Variants in PRR5 observed in about 807,000 individuals in gnomAD.
PRR5 encodes proline-rich protein 5.
In PRR5, 25 loss-of-function variants were observed where a neutral mutation model predicts 30.6. The observed-to-expected ratio is 0.82, with a 90% CI of 0.60 to 1.14. The LOEUF is 1.14. Ranked by LOEUF, PRR5 falls within the 50% of genes most tolerant of loss-of-function variation. PRR5 has a pLI of 0.00. For synonymous variants in PRR5, 286 were observed against 247.1 expected (o/e 1.16, Z -1.48); for missense variants, 600 against 547.1 (o/e 1.10, Z -0.96).
At chr22:44,729,235 C>T (rs1602081849) in intron 4 of PRR5, 6 of 879,206 alleles carry the variant, frequency 6.8e-6, no homozygotes, top group South Asian at 1.0e-4. Flanking sequence ...CCACCCAGCG[C>T]GTGGCTTTTG....
chr22:44,727,332 G>A (rs530293336), intron 4 of PRR5, among the ~76,000 whole-genome samples: 169 of 152,304 alleles, frequency 1.1e-3, no homozygotes, highest in Non-Finnish European at 2.2e-3. Context: ...GCTGCCCTGG[G>A]AGCGGGGTCA....
chr22:44,669,237 C>G (rs1923282423), intron 1 of PRR5, among the ~76,000 whole-genome samples: 1 of 152,126 alleles, frequency 6.6e-6, no homozygotes, highest in African/African-American at 2.4e-5. Context: ...CAGCTCTCCC[C>G]TCCCTCGCCA....
upstream of PRR5, among the ~76,000 whole-genome samples, chr22:44,673,499 G>C (rs1280572652): frequency 6.6e-6 from 1 of 152,214 alleles, no homozygotes; most frequent in African/African-American, 2.4e-5. Context: ...TACAGACCAG[G>C]AGGGTAGGAT....
In PRR5 at chr22:44,737,058, C is replaced by G. The variant is rs762338085; in HGVS notation, c.978C>G (p.Thr326=). 1.2e-6 allele frequency: 2 copies of G among 1,609,020 alleles called. No individual in the cohort carries two copies. The highest frequency in any genetic ancestry group is 1.3e-5 in the African/African-American group (1 of 74,910). Residue 326 remains threonine, a synonymous_variant, in exon 8 of 8, where the codon ACC becomes ACG. Coordinates refer to ENST00000336985, the MANE Select transcript of PRR5 (RefSeq NM_181333.4). ...GCCCCAGCAGACTGTACCCCACGACCCAGCCCCCTGAGCAGGGCTTGGATC... is the reference window on the plus strand; with the variant it reads ...GCCCCAGCAGACTGTACCCCACGACGCAGCCCCCTGAGCAGGGCTTGGATC... The part of the protein sequence containing the change: ...GPCPSRLYPT[T]QPPEQGLDPT...
intron 2 of PRR5, among the ~76,000 whole-genome samples, chr22:44,719,039 G>C (rs1017669292): frequency 6.6e-6 from 1 of 150,664 alleles, no homozygotes; most frequent in African/African-American, 2.4e-5. Context: ...CCCGTCCTTT[G>C]ATCACCTTTC....
upstream of PRR5, among the ~76,000 whole-genome samples, chr22:44,700,468 G>A (rs562903445): frequency 4.0e-4 from 60 of 151,832 alleles, no homozygotes; most frequent in Non-Finnish European, 7.5e-4. Flanking sequence ...CATCACACAC[G>A]CAAAAAATCA....
intron 2 of PRR5, among the ~76,000 whole-genome samples, chr22:44,724,565 C>G (rs1347803947): frequency 6.6e-6 from 1 of 152,198 alleles, no homozygotes; most frequent in African/African-American, 2.4e-5. Flanking sequence ...TGTGTACTTT[C>G]AGCCTGGCTG....
intron 1 of PRR5, among the ~76,000 whole-genome samples, chr22:44,686,206 G>T (rs34234064): frequency 0.52 from 78,227 of 151,546 alleles, 20,576 homozygotes; most frequent in East Asian, 0.73. Flanking sequence ...AGCTGAGATC[G>T]CACCACTGCA....
chr22:44,670,198 G>C (rs77930953), intron 1 of PRR5, among the ~76,000 whole-genome samples: 1 of 152,150 alleles, frequency 6.6e-6, no homozygotes, highest in African/African-American at 2.4e-5. Context: ...CCATCCTGGC[G>C]TCTACAACTT....
At chr22:44,727,066 AC>A (rs140055013) in intron 4 of PRR5, among the ~76,000 whole-genome samples, 201 of 152,036 alleles carry the variant, frequency 1.3e-3, no homozygotes, top group Non-Finnish European at 2.4e-3. Flanking sequence ...GTCGAGGCTC[AC>A]AGCCACCCAC....
intron 1 of PRR5, among the ~76,000 whole-genome samples, chr22:44,694,228 A>G (rs1223897255): frequency 6.6e-6 from 1 of 151,944 alleles, no homozygotes; most frequent in East Asian, 2.0e-4. Flanking sequence ...CTCTACTCAT[A>G]ATGTTGGTTA....
chr22:44,732,205 ACG>A, intron 5 of PRR5, 44 bp from the exon 6 acceptor site: 1 of 1,601,508 alleles, frequency 6.2e-7, no homozygotes, highest in Non-Finnish European at 8.5e-7. Context: ...GGAGATGAGG[ACG>A]CATGTGACCA....
intron 2 of PRR5, among the ~76,000 whole-genome samples, chr22:44,723,198 G>T: frequency 6.6e-6 from 1 of 151,802 alleles, no homozygotes; most frequent in East Asian, 2.0e-4. Flanking sequence ...TGGCCAGGCT[G>T]GTTTCGAACT....
At chr22:44,705,265 A>G (rs1238985209) in intron 1 of PRR5, among the ~76,000 whole-genome samples, 1 of 151,944 alleles carries the variant, frequency 6.6e-6, no homozygotes, top group African/African-American at 2.4e-5. Flanking sequence ...CATCACTCCA[A>G]TATGTACCTC....
At chr22:44,715,238 G>T (rs1392124685) in intron 2 of PRR5, among the ~76,000 whole-genome samples, 3 of 152,176 alleles carry the variant, frequency 2.0e-5, no homozygotes, top group Non-Finnish European at 4.4e-5. Context: ...TGTAGTGGAG[G>T]AGGCCAAAGC....
At chr22:44,698,611 G>T (rs1055303833), upstream of PRR5, among the ~76,000 whole-genome samples, 1 of 152,186 alleles carries the variant, frequency 6.6e-6, no homozygotes, top group Non-Finnish European at 1.5e-5. Context: ...GGGCCCGGTG[G>T]GCACCTGGAG....
chr22:44,674,906 A>G (rs1402263418), upstream of PRR5, among the ~76,000 whole-genome samples: 1 of 150,998 alleles, frequency 6.6e-6, no homozygotes, highest in African/African-American at 2.4e-5. Flanking sequence ...AGATCTCGCC[A>G]CTGCACTCCA....
chr22:44,708,733 A>G (rs1042448646), intron 1 of PRR5, among the ~76,000 whole-genome samples: 2 of 152,116 alleles, frequency 1.3e-5, no homozygotes, highest in Admixed American at 1.3e-4. Context: ...TTGGGAGGCC[A>G]ATCCAGGTGG....
In PRR5 at chr22:44,735,973, G is replaced by A. The variant is rs529249585; in HGVS notation, c.692-799G>A. 4.0e-4 allele frequency among the ~76,000 whole-genome samples: 61 copies of A among 152,296 alleles called. 1 individual carries two copies. The South Asian group carries it at 0.012, about 29-fold the overall frequency. On this transcript the variant is annotated intron_variant, in intron 7 of 7. Coordinates refer to ENST00000336985, the MANE Select transcript of PRR5 (RefSeq NM_181333.4). ...CCCCAGCCCCTGCCTGATGGGACCC[G>A]CATCCTCTGGTCTGGGAAAGGCCCC...
Sources: allele counts gnomAD v4.1 joint callset (sites outside exome capture counted in the v4.1 genomes callset), GRCh38; gene constraint gnomAD v4.1.1; transcripts MANE v1.5; gene names NCBI Gene and HGNC (gene_info 2026-07-23, HGNC 2026-07-21).